Variants in GABRB1 observed in about 807,000 individuals in gnomAD.
GABRB1 encodes gamma-aminobutyric acid receptor subunit beta-1.
A neutral mutation model predicts 51.6 loss-of-function variants in GABRB1; 17 were observed. That is an observed-to-expected ratio of 0.33 (90% CI 0.23 to 0.49). The LOEUF (loss-of-function observed/expected upper bound fraction) is 0.49. Among genes scored for constraint, GABRB1 ranks in the 20% least tolerant of loss-of-function variants. The pLI, the probability that GABRB1 is intolerant of heterozygous loss-of-function variation, is 0.99. For synonymous variants in GABRB1, 247 were observed against 218.9 expected (o/e 1.13, Z -1.14); for missense variants, 410 against 600.6 (o/e 0.68, Z 3.32).
chr4:47,206,278 A>C (rs1720117880), intron 4 of GABRB1, among the ~76,000 whole-genome samples: 1 of 152,046 alleles, frequency 6.6e-6, no homozygotes, highest in South Asian at 2.1e-4. Flanking sequence ...AATTCATGGA[A>C]GCTCTAAATC....
At chr4:47,169,909 T>C (rs1433254684) in intron 4 of GABRB1, among the ~76,000 whole-genome samples, 2 of 152,178 alleles carry the variant, frequency 1.3e-5, no homozygotes, top group East Asian at 3.9e-4. Flanking sequence ...GACAGTTGTC[T>C]ATGTATGGTG....
chr4:47,094,762 TA>T (rs34400036), intron 3 of GABRB1, among the ~76,000 whole-genome samples: 9,926 of 121,848 alleles, frequency 0.081, 479 homozygotes, highest in African/African-American at 0.17. Flanking sequence ...AACTTAAAGG[TA>T]AAAAAAAAAA....
chr4:47,296,850 C>T lies in GABRB1; in HGVS notation c.462-23277C>T, dbSNP rs576874524. Reference sequence around the variant, plus strand: ...CACACCTATTCCAAAACTGACCACACAGTTGGAAGTAAAGCTCTCCTCAGC... The same window carrying T: ...CACACCTATTCCAAAACTGACCACATAGTTGGAAGTAAAGCTCTCCTCAGC... On this transcript the variant is annotated intron_variant, in intron 4 of 8. Coordinates refer to ENST00000295454, the MANE Select transcript of GABRB1 (RefSeq NM_000812.4). 8.3e-3 allele frequency among the ~76,000 whole-genome samples: 1,259 copies of T among 152,178 alleles called. 20 individuals carry two copies. The highest frequency in any genetic ancestry group is 0.029 in the African/African-American group (1,184 of 41,526).
chr4:47,191,887 C>A (rs965739015), intron 4 of GABRB1, among the ~76,000 whole-genome samples: 1 of 151,912 alleles, frequency 6.6e-6, no homozygotes, highest in African/African-American at 2.4e-5. Flanking sequence ...AATTGGAAAA[C>A]CCAAACAAAC....
chr4:47,053,389 T>A (rs553920912), intron 3 of GABRB1, among the ~76,000 whole-genome samples: 61 of 152,342 alleles, frequency 4.0e-4, no homozygotes, highest in African/African-American at 1.4e-3. Context: ...CTTCTCACTG[T>A]GTTCTCTCAA....
chr4:47,059,739 A>C (rs929543026), intron 3 of GABRB1, among the ~76,000 whole-genome samples: 2 of 152,204 alleles, frequency 1.3e-5, no homozygotes, highest in Non-Finnish European at 2.9e-5. Flanking sequence ...CCTCTAAAAC[A>C]TGAATTTTAT....
intron 5 of GABRB1, among the ~76,000 whole-genome samples, chr4:47,355,726 AG>A (rs1726542692): frequency 6.6e-6 from 1 of 152,192 alleles, no homozygotes; most frequent in Admixed American, 6.5e-5. Context: ...TAGCACCATT[AG>A]CGCAGATATA....
At chr4:47,374,134 A>G (rs886613622) in intron 5 of GABRB1, among the ~76,000 whole-genome samples, 1 of 152,150 alleles carries the variant, frequency 6.6e-6, no homozygotes, top group Non-Finnish European at 1.5e-5. Flanking sequence ...AGGATGTAAG[A>G]CTCTCTGGTT....
chr4:47,098,775 A>G (rs1346180571), intron 3 of GABRB1, among the ~76,000 whole-genome samples: 1 of 152,050 alleles, frequency 6.6e-6, no homozygotes, highest in Non-Finnish European at 1.5e-5. Flanking sequence ...ATTGTACCAT[A>G]TTGTGATGCC....
intron 3 of GABRB1, among the ~76,000 whole-genome samples, chr4:47,045,463 CATCATCATCA>C (rs1314578094): frequency 2.0e-5 from 3 of 151,634 alleles, no homozygotes; most frequent in African/African-American, 7.3e-5. Context: ...TCATCATCAT[CATCATCATCA>C]TCATCATCAT....
intron 4 of GABRB1, among the ~76,000 whole-genome samples, chr4:47,210,567 A>G (rs1215282140): frequency 6.6e-6 from 1 of 152,180 alleles, no homozygotes; most frequent in Non-Finnish European, 1.5e-5. Flanking sequence ...ACTAAGCACT[A>G]TTAGAGACTA....
chr4:47,396,895 AT>A (rs1728850350), intron 5 of GABRB1, among the ~76,000 whole-genome samples: 1 of 152,116 alleles, frequency 6.6e-6, no homozygotes, highest in South Asian at 2.1e-4. Flanking sequence ...TACAGTTTTA[AT>A]TTTAATTTGA....
At chr4:47,229,778 T>C (rs1008791696) in intron 4 of GABRB1, among the ~76,000 whole-genome samples, 1 of 151,846 alleles carries the variant, frequency 6.6e-6, no homozygotes, top group Non-Finnish European at 1.5e-5. Flanking sequence ...CATTTTAGGG[T>C]GATGAAGGCA....
chr4:47,074,946 A>G (rs534925778), intron 3 of GABRB1, among the ~76,000 whole-genome samples: 6 of 152,306 alleles, frequency 3.9e-5, no homozygotes, highest in Admixed American at 3.9e-4. Context: ...TGTTACTGAA[A>G]TGGAGGAATT....
intron 5 of GABRB1, among the ~76,000 whole-genome samples, chr4:47,322,751 G>A (rs4695213): frequency 0.063 from 9,522 of 152,034 alleles, 497 homozygotes; most frequent in East Asian, 0.28. Context: ...AGGGTGGATC[G>A]CCTGAGGTCA....
At position 47,042,621 on chromosome 4, in the gene GABRB1, A is replaced by T. The variant is rs1300787745; in HGVS notation, c.240+10137A>T. Among the ~76,000 whole-genome samples the T allele has an allele frequency of 2.6e-5, 4 of 151,516 alleles. No individual in the cohort carries two copies. In the South Asian group the frequency reaches 8.3e-4, roughly 31 times the overall value. On this transcript the variant is annotated intron_variant, in intron 3 of 8. Transcript: ENST00000295454. ...TTAAAGAATAATTTGATTGAGTATT[A>T]CAAAGTGAATGACATTTAAAAAGAA...
intron 3 of GABRB1, among the ~76,000 whole-genome samples, chr4:47,055,601 AG>A (rs1485282051): frequency 6.6e-6 from 1 of 152,200 alleles, no homozygotes; most frequent in Non-Finnish European, 1.5e-5. Flanking sequence ...TGGAGCCACC[AG>A]GTGAGAGGGA....
At chr4:47,160,592 G>T (rs995040880) in intron 3 of GABRB1, among the ~76,000 whole-genome samples, 1 of 152,010 alleles carries the variant, frequency 6.6e-6, no homozygotes, top group African/African-American at 2.4e-5. Context: ...ATGTCCAGAG[G>T]TCAATGTTTG....
chr4:47,313,881 C>T (rs547438554), intron 4 of GABRB1, among the ~76,000 whole-genome samples: 2 of 152,006 alleles, frequency 1.3e-5, no homozygotes, highest in African/African-American at 4.8e-5. Flanking sequence ...GTCCTCCAAC[C>T]CTTACTAAAT....
Sources: gnomAD v4.1 joint callset for allele counts (sites outside exome capture counted in the v4.1 genomes callset) on GRCh38, gnomAD v4.1.1 for gene constraint, MANE v1.5 for transcripts, NCBI Gene and HGNC (gene_info 2026-07-23, HGNC 2026-07-21) for gene names.